The following RBL1 variants were observed in gnomAD, a reference collection of about 807,000 sequenced individuals.
The protein encoded by RBL1 is RB transcriptional corepressor like 1.
Under a neutral mutation model 123.0 loss-of-function variants are expected in RBL1, and 82 were observed. The observed-to-expected ratio is 0.67, with a 90% CI of 0.56 to 0.80. The LOEUF (loss-of-function observed/expected upper bound fraction) is 0.80, where lower values mean the gene tolerates loss of function less well. Among genes scored for constraint, RBL1 ranks in the 30% least tolerant of loss-of-function variants. RBL1 has a pLI of 0.00. For synonymous variants in RBL1, 405 were observed against 441.3 expected (o/e 0.92, Z 1.03); for missense variants, 1,171 against 1,299.6 (o/e 0.90, Z 1.52).
Position 37,027,668 on chromosome 20 carries a change from C to T in RBL1, c.2383-4842G>A, listed in dbSNP as rs560877026. ...TGTCTAAGGTCAACCGTTTTTAGTC[C>T]CTTTCCATTAATATTAAAATAATTT... On this transcript the variant is annotated intron_variant, in intron 16 of 21. Transcript: ENST00000373664. 2.6e-5 allele frequency among the ~76,000 whole-genome samples: 4 copies of T among 152,254 alleles called. No homozygotes were observed. The South Asian group carries it at 8.3e-4, about 32-fold the overall frequency.
Position 37,003,860 on chromosome 20 carries a change from C to T in RBL1, c.2878G>A (p.Ala960Thr). ...DLANQDHMMDAPPLSPFPHIK... is the reference protein window; with the variant it reads ...DLANQDHMMDTPPLSPFPHIK... ...TGTGGAAAAGGAGAGAGTGGTGGAG[C>T]ATCCATCTAAAATAACCCAAAAGTC... Residue 960 changes from alanine to threonine, a missense_variant, in exon 21 of 22, where the codon GCT (alanine) becomes ACT (threonine). Coordinates refer to ENST00000373664, the MANE Select transcript of RBL1 (RefSeq NM_002895.5). 6.2e-7 allele frequency: 1 copy of T among 1,603,796 alleles called. No individual in the cohort carries two copies. The highest frequency in any genetic ancestry group is 8.5e-7 in the Non-Finnish European group (1 of 1,176,242).
rs145687482 is a variant in RBL1 at position 37,077,003 on chromosome 20, C to T, written c.291-8817G>A. On this transcript the variant is annotated intron_variant, in intron 2 of 21. Transcript: ENST00000373664. ...CCAGGCTGGAGTGCAGTGGCACAAT[C>T]GCGGCTCACTGCAATCTCCGCCTTC... Among the ~76,000 whole-genome samples the T allele has an allele frequency of 8.0e-3, 1,187 of 148,728 alleles. 9 individuals carry two copies. Among genetic ancestry groups the T allele is most frequent in the Middle Eastern group, 0.017 (5 of 286 alleles).
At chr20:37,067,854 C>T in intron 3 of RBL1, 132 bp downstream of exon 3, 1 of 905,596 alleles carries the variant, frequency 1.1e-6, no homozygotes, top group Non-Finnish European at 1.5e-6. Flanking sequence ...GATAATTGTA[C>T]ATGGATTTAA....
chr20:37,069,828 C>A (rs1184271967), intron 2 of RBL1, among the ~76,000 whole-genome samples: 1 of 151,446 alleles, frequency 6.6e-6, no homozygotes, highest in African/African-American at 2.4e-5. Flanking sequence ...GGCCAGCCGC[C>A]CTGTCCGGGA....
intron 6 of RBL1, 116 bp downstream of exon 6, chr20:37,066,608 C>T: frequency 1.1e-6 from 1 of 915,254 alleles, no homozygotes; most frequent in Non-Finnish European, 1.6e-6. Context: ...GAGGCTAAAG[C>T]CTGGGAATCC....
chr20:37,095,861 G>A lies in RBL1; in HGVS notation c.68C>T (p.Ala23Val), dbSNP rs1340571749. Residue 23 changes from alanine (A) to valine (V), a missense_variant, in exon 1 of 22, where the codon GCC becomes GTC. By Grantham distance (64) the Ala-to-Val change is moderately conservative. Coordinates refer to ENST00000373664, the MANE Select transcript of RBL1 (RefSeq NM_002895.5). ...VVAAAGEALQ[A>V]LCQELNLDEG... is the part of the protein sequence containing the mutation. ...GTCCAGGTTCAGCTCCTGGCACAGG[G>A]CCTGTAGCGCCTCCCCGGCTGCGGC... is the stretch of plus-strand genomic sequence containing the variant. 8.7e-6 allele frequency: 14 copies of A among 1,606,602 alleles called. No individual in the cohort carries two copies. The highest frequency in any genetic ancestry group is 1.1e-5 in the South Asian group (1 of 90,014).
chr20:37,004,289 C>T (rs141251706), intron 20 of RBL1, among the ~76,000 whole-genome samples: 18,496 of 149,900 alleles, frequency 0.12, 1,187 homozygotes, highest in African/African-American at 0.16. Flanking sequence ...ACCATGTTGG[C>T]CAGGCTGGTC....
rs978845033 is a variant in RBL1 at position 37,022,729 on chromosome 20, G to A, written c.2480C>T (p.Thr827Ile). The change falls in exon 17 of 22, where the codon ACT becomes ATT. Residue 827 changes from threonine (T) to isoleucine (I), a missense_variant. Thr to Ile is a moderately conservative substitution (Grantham distance 89, BLOSUM62 -1). Coordinates refer to ENST00000373664, the MANE Select transcript of RBL1 (RefSeq NM_002895.5). The part of the protein sequence containing the change: ...RRKIWTCFEF[T>I]LVHCPDLMKD... ...CATTAGATCAGGACAGTGAACTAAA[G>A]TGAATTCAAAACACGTCCATATCTT... The A allele has an allele frequency of 8.1e-6, 13 of 1,614,134 alleles. No individual in the cohort carries two copies. The highest frequency in any genetic ancestry group is 3.3e-5 in the Admixed American group (2 of 60,020).
At chr20:37,061,582 C>A (rs1194023299) in intron 8 of RBL1, among the ~76,000 whole-genome samples, 1 of 152,148 alleles carries the variant, frequency 6.6e-6, no homozygotes, top group Non-Finnish European at 1.5e-5. Context: ...AAAGCTTGGA[C>A]TAAAACTTAG....
chr20:37,089,035 C>T lies in RBL1; in HGVS notation c.244G>A (p.Gly82Ser), dbSNP rs771890297. ...IPTVGKGIMEGNCVSLTRILR... is the reference protein window; with the variant it reads ...IPTVGKGIMESNCVSLTRILR... ...ATTCTGGTAAGTGAAACACAGTTGC[C>T]TTCCATGATACCCTTTCCAACCGTG... Residue 82 changes from glycine (G) to serine (S), a missense_variant, in exon 2 of 22, where the codon GGC becomes AGC. By Grantham distance (56) the Gly-to-Ser change is moderately conservative. Coordinates refer to ENST00000373664, the MANE Select transcript of RBL1 (RefSeq NM_002895.5). 6.2e-7 allele frequency: 1 copy of T among 1,611,898 alleles called. No individual in the cohort carries two copies. The highest frequency in any genetic ancestry group is 8.5e-7 in the Non-Finnish European group (1 of 1,178,900).
chr20:37,072,358 C>G (rs760344429), intron 2 of RBL1, among the ~76,000 whole-genome samples: 1 of 152,168 alleles, frequency 6.6e-6, no homozygotes, highest in Non-Finnish European at 1.5e-5. Flanking sequence ...GTCCCAGCTA[C>G]TCCGGAGGCT....
intron 21 of RBL1, 94 bp downstream of exon 21, chr20:37,003,608 G>C: frequency 7.0e-7 from 1 of 1,434,692 alleles, no homozygotes; most frequent in Non-Finnish European, 9.2e-7. Context: ...TAGTATAGTA[G>C]TAACTTGGCC....
chr20:37,044,032 GGTT>G, intron 13 of RBL1, 51 bp downstream of exon 13: 2 of 1,048,138 alleles, frequency 1.9e-6, no homozygotes, highest in East Asian at 2.7e-5. Context: ...CAATAAAGCT[GGTT>G]TTTTTTTTTT....
At position 37,044,204 on chromosome 20, in the gene RBL1, A is replaced by G. The variant is rs146906781; in HGVS notation, c.1652T>C (p.Met551Thr). The change falls in exon 13 of 22, where the codon ATG becomes ACG. Residue 551 changes from methionine to threonine, a missense_variant. Met to Thr is a moderately conservative substitution (Grantham distance 81). Coordinates refer to ENST00000373664, the MANE Select transcript of RBL1 (RefSeq NM_002895.5). The stretch of plus-strand genomic sequence containing the variant: ...TTCAATGCTGTTTAGGTGTTTCACC[A>G]TGTCCCTTGAGAGCCCCTCTTCTGA... Reference protein sequence around the residue: ...IRSEEGLSRDMVKHLNSIEEQ... With the variant: ...IRSEEGLSRDTVKHLNSIEEQ... 234 of 1,613,958 alleles carry G rather than the reference A, an allele frequency of 1.4e-4. 1 individual carries two copies. The African/African-American group carries it at 2.7e-3, about 19-fold the overall frequency.
At chr20:37,067,385 CA>C in intron 3 of RBL1, 88 bp from the exon 4 acceptor site, 1 of 975,242 alleles carries the variant, frequency 1.0e-6, no homozygotes, top group Non-Finnish European at 1.5e-6. Flanking sequence ...TCAAATAGAT[CA>C]AATTACACAT....
chr20:37,032,974 T>C, intron 15 of RBL1, 98 bp from the exon 16 acceptor site: 1 of 1,470,492 alleles, frequency 6.8e-7, no homozygotes, highest in Non-Finnish European at 9.0e-7. Flanking sequence ...TATCTGTGTG[T>C]ATAAGAAGGC....
intron 20 of RBL1, among the ~76,000 whole-genome samples, chr20:37,004,714 CAAAAAAAAAAAAAAAA>C (rs11361452): frequency 2.8e-5 from 2 of 72,520 alleles, no homozygotes; most frequent in African/African-American, 1.3e-4. Context: ...GACTCTGCCT[CAAAAAAAAAAAAAAAA>C]AAAAAAGAAT....
chr20:37,057,830 A>G (rs1041629978), intron 9 of RBL1, among the ~76,000 whole-genome samples: 1 of 152,092 alleles, frequency 6.6e-6, no homozygotes, highest in African/African-American at 2.4e-5. Flanking sequence ...TCTACTAAAA[A>G]TACAAAAATT....
intron 16 of RBL1, among the ~76,000 whole-genome samples, chr20:37,027,456 C>T (rs1242139347): frequency 3.3e-5 from 5 of 152,280 alleles, no homozygotes; most frequent in Admixed American, 6.5e-5. Context: ...TGGGCTCTAG[C>T]GTGCTATAAC....
Sources: gnomAD v4.1 joint callset for allele counts (sites outside exome capture counted in the v4.1 genomes callset) on GRCh38, gnomAD v4.1.1 for gene constraint, MANE v1.5 for transcripts, NCBI Gene and HGNC (gene_info 2026-07-23, HGNC 2026-07-21) for gene names.